Variants in SCN10A observed in about 807,000 individuals in gnomAD.
SCN10A encodes the protein sodium channel protein type 10 subunit alpha.
SCN10A carries 162 observed loss-of-function variants against 170.7 expected under a neutral mutation model. The observed-to-expected ratio is 0.95, with a 90% CI of 0.84 to 1.08. The LOEUF is 1.08. Ranked by LOEUF, SCN10A falls within the 50% of genes least tolerant of loss-of-function variation. The probability of loss-of-function intolerance (pLI) is 0.00; values close to 1 mark genes in which losing one functional copy is unlikely to be tolerated. For missense variants in SCN10A, 2,527 were observed against 2,436.9 expected, an observed-to-expected ratio of 1.04 and a Z score of -0.78; for synonymous variants, 985 against 904.6, an observed-to-expected ratio of 1.09 and a Z score of -1.59.
At chr3:38,804,867 CGGTA>C (rs1471722119) in intron 1 of SCN10A, among the ~76,000 whole-genome samples, 2 of 151,908 alleles carry the variant, frequency 1.3e-5, no homozygotes, top group Non-Finnish European at 2.9e-5. Context: ...TACAAAGATG[CGGTA>C]GCCAAAAATG....
intron 4 of SCN10A, among the ~76,000 whole-genome samples, chr3:38,775,481 G>A (rs2064062027): frequency 6.6e-6 from 1 of 152,076 alleles, no homozygotes; most frequent in African/African-American, 2.4e-5. Flanking sequence ...ATCTGTTGAT[G>A]GACATATTTG....
At chr3:38,788,142 G>T (rs1371250508) in intron 4 of SCN10A, among the ~76,000 whole-genome samples, 2 of 144,124 alleles carry the variant, frequency 1.4e-5, no homozygotes, top group Admixed American at 7.3e-5. Flanking sequence ...AAGACTATGT[G>T]ATCCTTTTCC....
chr3:38,746,194 C>T (rs926469612), intron 13 of SCN10A, among the ~76,000 whole-genome samples: 1 of 149,256 alleles, frequency 6.7e-6, no homozygotes, highest in African/African-American at 2.5e-5. Context: ...CACCTGAAAC[C>T]CAATATATCC....
chr3:38,744,668 A>G (rs1189390290), intron 13 of SCN10A, among the ~76,000 whole-genome samples: 2 of 151,982 alleles, frequency 1.3e-5, no homozygotes, highest in Non-Finnish European at 2.9e-5. Flanking sequence ...TTCACTTAAA[A>G]CTTTGGTGCA....
Position 38,729,375 on chromosome 3 carries a change from TG to T in SCN10A, c.2281-475del, listed in dbSNP as rs375460544. Among the ~76,000 whole-genome samples the T allele has an allele frequency of 9.3e-4, 141 of 152,322 alleles. 2 individuals are homozygous for T. In the South Asian group the frequency reaches 0.029, roughly 31 times the overall value. On this transcript the variant is annotated intron_variant, in intron 15 of 27. Coordinates refer to ENST00000449082, the MANE Select transcript of SCN10A (RefSeq NM_006514.4). ...ACATCTCTTAGGGCATTTCTCATCT[TG>T]GGGCAGTGGACAACATCTGTTGCTC...
intron 5 of SCN10A, among the ~76,000 whole-genome samples, chr3:38,765,631 A>G (rs560106879): frequency 1.8e-4 from 27 of 152,138 alleles, no homozygotes; most frequent in Non-Finnish European, 2.8e-4. Flanking sequence ...GCCTTGTAGT[A>G]TAGTTTGAAA....
rs2063483703 is a variant in SCN10A at position 38,728,725 on chromosome 3, A to G, written c.2457T>C (p.Asn819=). The change falls in exon 16 of 28, where the codon AAT becomes AAC. Residue 819 remains asparagine, a synonymous_variant. Coordinates refer to ENST00000449082, the MANE Select transcript of SCN10A (RefSeq NM_006514.4). ...LGENYRNNRK[N]ISAPHEDWPR... ...GCCAGTCTTCATGGGGCGCGGAGAT[A>G]TTTTTTCGGTTGTTACGGTAGTTTT... 1 of 1,613,948 alleles carries G rather than the reference A, an allele frequency of 6.2e-7. No homozygotes were observed. Among genetic ancestry groups the G allele is most frequent in the Admixed American group, 1.7e-5 (1 of 59,996 alleles).
intron 3 of SCN10A, among the ~76,000 whole-genome samples, chr3:38,791,813 G>A (rs894247722): frequency 6.6e-6 from 1 of 152,184 alleles, no homozygotes; most frequent in Non-Finnish European, 1.5e-5. Context: ...GTCTAGATTA[G>A]TCTGAGGTGA....
intron 24 of SCN10A, among the ~76,000 whole-genome samples, chr3:38,710,241 C>CT (rs2063258337): frequency 6.6e-6 from 1 of 152,192 alleles, no homozygotes; most frequent in Non-Finnish European, 1.5e-5. Context: ...CTCACTGCAA[C>CT]TTCTGCCTCC....
chr3:38,799,258 G>A (rs2064357921), intron 1 of SCN10A, among the ~76,000 whole-genome samples: 1 of 152,026 alleles, frequency 6.6e-6, no homozygotes, highest in South Asian at 2.1e-4. Context: ...CTGAGGGCCA[G>A]ACCCAGGCCT....
intron 15 of SCN10A, among the ~76,000 whole-genome samples, chr3:38,733,852 C>A (rs2063534277): frequency 6.6e-6 from 1 of 152,016 alleles, no homozygotes; most frequent in African/African-American, 2.4e-5. Flanking sequence ...TCCCAAGTAG[C>A]TGGGATTAAA....
intron 27 of SCN10A, among the ~76,000 whole-genome samples, chr3:38,700,343 G>A (rs2063143682): frequency 6.6e-6 from 1 of 152,216 alleles, no homozygotes; most frequent in Non-Finnish European, 1.5e-5. Context: ...TATGTGACAT[G>A]AATAAATCCT....
At chr3:38,727,458 C>T (rs998864740) in intron 16 of SCN10A, among the ~76,000 whole-genome samples, 14 of 152,076 alleles carry the variant, frequency 9.2e-5, no homozygotes, top group Non-Finnish European at 1.6e-4. Context: ...AGATGAAGAG[C>T]GGTTGTGAAG....
intron 1 of SCN10A, among the ~76,000 whole-genome samples, chr3:38,795,347 C>T (rs9884052): frequency 0.71 from 90,728 of 127,112 alleles, 32,499 homozygotes; most frequent in South Asian, 0.79. Flanking sequence ...TTTTCTTTTT[C>T]TTTTTTTTTT....
intron 12 of SCN10A, 115 bp downstream of exon 12, chr3:38,752,104 G>T: frequency 2.4e-6 from 2 of 847,510 alleles, no homozygotes; most frequent in South Asian, 2.8e-5. Context: ...GAATGGGGAG[G>T]CATTGGACAG....
In SCN10A at chr3:38,773,286, A is replaced by G. The variant is rs1054612763; in HGVS notation, c.471-1879T>C. 2.0e-5 allele frequency among the ~76,000 whole-genome samples: 3 copies of G among 152,190 alleles called. No individual in the cohort carries two copies. In the East Asian group the frequency reaches 5.8e-4, roughly 29 times the overall value. ...GTTTGAGGCCAACAGCCTGGGCAGC[A>G]TAGAGAGACTTTGTCTTAAAAAAAA... On this transcript the variant is annotated intron_variant, in intron 4 of 27. Coordinates refer to ENST00000449082, the MANE Select transcript of SCN10A (RefSeq NM_006514.4).
chr3:38,754,213 A>T (rs1000647257), intron 11 of SCN10A, among the ~76,000 whole-genome samples: 10 of 152,226 alleles, frequency 6.6e-5, no homozygotes, highest in Non-Finnish European at 1.0e-4. Context: ...GATCCCAATT[A>T]TGCCTTCCTC....
chr3:38,782,611 C>T (rs762819950), intron 4 of SCN10A, among the ~76,000 whole-genome samples: 18 of 151,768 alleles, frequency 1.2e-4, no homozygotes, highest in Admixed American at 3.3e-4. Flanking sequence ...ACTCATTTTG[C>T]AAAAAAATGT....
intron 1 of SCN10A, among the ~76,000 whole-genome samples, chr3:38,801,875 T>C (rs746321542): frequency 3.3e-5 from 5 of 152,206 alleles, no homozygotes; most frequent in South Asian, 2.1e-4. Flanking sequence ...AGCATTTTCA[T>C]GTAGGTGACT....
Sources: allele counts gnomAD v4.1 joint callset (sites outside exome capture counted in the v4.1 genomes callset), GRCh38; gene constraint gnomAD v4.1.1; transcripts MANE v1.5; gene names NCBI Gene and HGNC (gene_info 2026-07-23, HGNC 2026-07-21).